Variants in KAZN observed in about 807,000 individuals in gnomAD.
KAZN encodes the protein kazrin, periplakin interacting protein.
In KAZN, 40 loss-of-function variants were observed where a neutral mutation model predicts 87.4. The ratio of observed to expected loss-of-function variants is 0.46; its 90% CI spans 0.36 to 0.60. The LOEUF (loss-of-function observed/expected upper bound fraction) is 0.60, where lower values mean the gene tolerates loss of function less well. KAZN is among the 20% of genes least tolerant of loss of function. KAZN has a pLI of 0.00. For synonymous variants in KAZN, 466 were observed against 458.3 expected (o/e 1.02, Z -0.22); for missense variants, 898 against 1,073.9 (o/e 0.84, Z 2.29).
intron 2 of KAZN, among the ~76,000 whole-genome samples, chr1:14,565,894 G>A (rs1036072769): frequency 4.1e-4 from 62 of 152,232 alleles, no homozygotes; most frequent in African/African-American, 1.4e-3. Context: ...CACATCTGCA[G>A]TTACTTCTTC....
chr1:14,957,485 G>A (rs1557659615), intron 1 of KAZN, among the ~76,000 whole-genome samples: 1 of 152,274 alleles, frequency 6.6e-6, no homozygotes, highest in Non-Finnish European at 1.5e-5. Context: ...GGCAGGATAT[G>A]CGATTGGGCC....
chr1:14,905,496 T>C (rs1267456664), intron 1 of KAZN, among the ~76,000 whole-genome samples: 1 of 152,184 alleles, frequency 6.6e-6, no homozygotes, highest in Non-Finnish European at 1.5e-5. Flanking sequence ...CAAGGTCTCC[T>C]AACCAAACAG....
intron 1 of KAZN, among the ~76,000 whole-genome samples, chr1:14,942,730 A>G (rs998851623): frequency 1.3e-5 from 2 of 152,194 alleles, no homozygotes; most frequent in Non-Finnish European, 1.5e-5. Context: ...CTTTAGCTCA[A>G]TGGGCACTTC....
At chr1:14,977,010 G>A (rs999853346) in intron 2 of KAZN, among the ~76,000 whole-genome samples, 3 of 152,164 alleles carry the variant, frequency 2.0e-5, no homozygotes, top group Non-Finnish European at 2.9e-5. Context: ...AGCCAAGATC[G>A]TGCCACTACA....
chr1:14,505,570 TTACTC>T (rs1187017030), intron 2 of KAZN, among the ~76,000 whole-genome samples: 3 of 152,124 alleles, frequency 2.0e-5, no homozygotes, highest in Non-Finnish European at 2.9e-5. Context: ...ATAAATTTGA[TTACTC>T]TAGAGTAATC....
At chr1:14,406,745 C>A (rs1418114256) in intron 2 of KAZN, among the ~76,000 whole-genome samples, 1 of 152,098 alleles carries the variant, frequency 6.6e-6, no homozygotes, top group Non-Finnish European at 1.5e-5. Context: ...CCTAAAACAC[C>A]TTCTCAGAAA....
chr1:14,328,643 T>C (rs1237571049), intron 2 of KAZN, among the ~76,000 whole-genome samples: 1 of 149,652 alleles, frequency 6.7e-6, no homozygotes, highest in Admixed American at 6.8e-5. Flanking sequence ...GTGGAGCTTG[T>C]AGTGAGCCGA....
At chr1:15,017,640 C>T (rs1401715500) in intron 2 of KAZN, among the ~76,000 whole-genome samples, 4 of 152,156 alleles carry the variant, frequency 2.6e-5, no homozygotes, top group African/African-American at 9.7e-5. Flanking sequence ...CCCGTCTCTA[C>T]TAAAAATACA....
chr1:14,238,670 A>G (rs4662135), intron 2 of KAZN, among the ~76,000 whole-genome samples: 71,859 of 152,196 alleles, frequency 0.47, 18,311 homozygotes, highest in Non-Finnish European at 0.58. Context: ...CTAAAGCACT[A>G]CAGCTGGCCC....
intron 2 of KAZN, among the ~76,000 whole-genome samples, chr1:14,592,319 T>C (rs2486775): frequency 0.84 from 127,038 of 152,090 alleles, 53,350 homozygotes; most frequent in African/African-American, 0.92. Context: ...AGCAGGAAGC[T>C]CTCACAGCCA....
intron 2 of KAZN, among the ~76,000 whole-genome samples, chr1:14,570,411 C>T (rs1674793565): frequency 6.6e-6 from 1 of 152,226 alleles, no homozygotes; most frequent in African/African-American, 2.4e-5. Context: ...ATTCCTATCC[C>T]TAGCCCCAGA....
chr1:14,173,107 G>A (rs1002731598), intron 1 of KAZN, among the ~76,000 whole-genome samples: 1 of 152,158 alleles, frequency 6.6e-6, no homozygotes, highest in Non-Finnish European at 1.5e-5. Context: ...ACGAGGAGGG[G>A]ATTCTGACCT....
chr1:14,329,790 G>A lies in KAZN; in HGVS notation c.249+149198G>A, dbSNP rs1039125056. Among the ~76,000 whole-genome samples the A allele has an allele frequency of 3.3e-5, 5 of 152,144 alleles. No individual in the cohort carries two copies. In the South Asian group the frequency reaches 1.0e-3, roughly 32 times the overall value. ...TCATTGGAAGGAAAAAGATAAGCCCGAGCTGAGGTTACAGCCAGCTCAGTG... is the reference window on the plus strand; with the variant it reads ...TCATTGGAAGGAAAAAGATAAGCCCAAGCTGAGGTTACAGCCAGCTCAGTG... On this transcript the variant is annotated intron_variant, in intron 2 of 16. Transcript: ENST00000636203.
chr1:14,831,856 T>C (rs1233609641), intron 1 of KAZN, among the ~76,000 whole-genome samples: 1 of 152,060 alleles, frequency 6.6e-6, no homozygotes, highest in Non-Finnish European at 1.5e-5. Context: ...TTCAGGACTC[T>C]GGGTTGCGAG....
chr1:14,156,052 T>G (rs1277094327), intron 1 of KAZN, among the ~76,000 whole-genome samples: 1 of 152,214 alleles, frequency 6.6e-6, no homozygotes, highest in Non-Finnish European at 1.5e-5. Context: ...TATCATTTAT[T>G]GCAAGAAATT....
At position 14,550,738 on chromosome 1, in the gene KAZN, T is replaced by TCC. The variant is rs1553187537; in HGVS notation, c.250-48241_250-48240dup. On this transcript the variant is annotated intron_variant, in intron 2 of 16. Coordinates refer to the KAZN transcript ENST00000636203. The stretch of plus-strand genomic sequence containing the variant: ...CTCTCTCTCTCTCTCTCTCTCTCTC[T>TCC]CCCCCACCCCGCCACCCCCTCTCCC... Among the ~76,000 whole-genome samples, 186 of 37,956 alleles carry TCC rather than the reference T, an allele frequency of 4.9e-3. 5 individuals are homozygous for TCC. Among genetic ancestry groups the TCC allele is most frequent in the African/African-American group, 0.017 (175 of 10,158 alleles). 24.9% of individuals were successfully genotyped at this position (37,956 alleles called of 152,430 possible). A position where few individuals can be genotyped will look rare whatever the true frequency, so the allele number is the denominator to read the frequency against.
chr1:14,594,910 G>T (rs1019905744), upstream of KAZN, among the ~76,000 whole-genome samples: 6 of 152,188 alleles, frequency 3.9e-5, no homozygotes, highest in Non-Finnish European at 8.8e-5. Context: ...ACTTTGGGAG[G>T]CCAAGGCAGG....
chr1:14,878,990 G>A (rs1572711852), intron 1 of KAZN, among the ~76,000 whole-genome samples: 1 of 152,174 alleles, frequency 6.6e-6, no homozygotes, highest in African/African-American at 2.4e-5. Context: ...TTCTTGAAAG[G>A]TAATCTTCTT....
At chr1:14,761,859 T>C (rs977131260) in intron 1 of KAZN, among the ~76,000 whole-genome samples, 3 of 151,666 alleles carry the variant, frequency 2.0e-5, no homozygotes, top group Non-Finnish European at 4.4e-5. Context: ...AAGAGGGATT[T>C]AGGAGTTACT....
Sources: gnomAD v4.1 joint callset for allele counts (sites outside exome capture counted in the v4.1 genomes callset) on GRCh38, gnomAD v4.1.1 for gene constraint, MANE v1.5 for transcripts, NCBI Gene and HGNC (gene_info 2026-07-23, HGNC 2026-07-21) for gene names.